Variants in DPY19L2 observed in about 807,000 individuals in gnomAD.
DPY19L2 encodes dpy-19 like 2.
A neutral mutation model predicts 97.9 loss-of-function variants in DPY19L2; 34 were observed. The ratio of observed to expected loss-of-function variants is 0.35; its 90% CI spans 0.26 to 0.46. The LOEUF (loss-of-function observed/expected upper bound fraction) is 0.46, where lower values mean the gene tolerates loss of function less well. Ranked by LOEUF, DPY19L2 falls within the 20% of genes least tolerant of loss-of-function variation. The pLI is 1.00. For synonymous variants in DPY19L2, 230 were observed against 307.9 expected (o/e 0.75, Z 2.65); for missense variants, 623 against 911.4 (o/e 0.68, Z 4.07).
At chr12:63,659,211 A>G (rs559569759) in intron 4 of DPY19L2, among the ~76,000 whole-genome samples, 2 of 152,320 alleles carry the variant, frequency 1.3e-5, no homozygotes, top group East Asian at 3.9e-4. Flanking sequence ...GTCAAAGTTA[A>G]TATTCAAAAT....
chr12:63,637,377 G>C (rs1038679421), intron 6 of DPY19L2, among the ~76,000 whole-genome samples: 3 of 151,294 alleles, frequency 2.0e-5, no homozygotes, highest in Admixed American at 2.0e-4. Flanking sequence ...TTAAAAGAAG[G>C]AGATAGAGAC....
chr12:63,631,535 A>G (rs1004785105), intron 6 of DPY19L2, among the ~76,000 whole-genome samples: 2 of 152,164 alleles, frequency 1.3e-5, no homozygotes, highest in African/African-American at 4.8e-5. Flanking sequence ...ATCTCTGAAT[A>G]GACCAATAAC....
chr12:63,661,124 T>G, intron 4 of DPY19L2: 1 of 330,700 alleles, frequency 3.0e-6, no homozygotes. Context: ...CTGGCCATTA[T>G]TTACACACTA....
At chr12:63,569,925 T>A (rs1434936118) in intron 20 of DPY19L2, among the ~76,000 whole-genome samples, 1 of 152,096 alleles carries the variant, frequency 6.6e-6, no homozygotes, top group Admixed American at 6.5e-5. Flanking sequence ...AACTATCACT[T>A]ATGCATTGGA....
chr12:63,608,613 T>A lies in DPY19L2; in HGVS notation c.1278+3A>T. 6.5e-7 allele frequency: 1 copy of A among 1,531,130 alleles called. No homozygotes were observed. Among genetic ancestry groups the A allele is most frequent in the Admixed American group, 1.8e-5 (1 of 54,580 alleles). The allele number at this position is 1,531,130 out of a possible 1,614,324, so 94.8% of individuals were successfully genotyped here. ...AAACTGCATTAAAAACATTGAATCT[T>A]ACCCAAAAGTTGAGTTTAGATACTC... On this transcript the variant is annotated splice_donor_region_variant and intron_variant, in intron 12 of 21. Transcript: ENST00000324472.
chr12:63,633,431 G>A (rs1196255658), intron 6 of DPY19L2, among the ~76,000 whole-genome samples: 1 of 152,114 alleles, frequency 6.6e-6, no homozygotes, highest in African/African-American at 2.4e-5. Context: ...CTCAAAAGAA[G>A]ACATTTATGC....
chr12:63,656,838 T>C (rs1348487451), intron 4 of DPY19L2, among the ~76,000 whole-genome samples: 1 of 152,190 alleles, frequency 6.6e-6, no homozygotes, highest in Non-Finnish European at 1.5e-5. Context: ...TAAGGCATTT[T>C]TTACTTCTTT....
chr12:63,588,745 C>CTTT lies in DPY19L2; in HGVS notation c.1581-4912_1581-4910dup, dbSNP rs913709153. 7.7e-4 allele frequency among the ~76,000 whole-genome samples: 100 copies of CTTT among 129,898 alleles called. 2 individuals carry two copies. The highest frequency in any genetic ancestry group is 3.4e-3 in the Admixed American group (42 of 12,404). 85.2% of individuals were successfully genotyped at this position (129,898 alleles called of 152,430 possible). A position where few individuals can be genotyped will look rare whatever the true frequency, so the allele number is the denominator to read the frequency against. On this transcript the variant is annotated intron_variant, in intron 16 of 21. Transcript: ENST00000324472. ...TTTATATAAACCAAAAGGAAACTTT[C>CTTT]TTTTTTTTTTTTTTTTTTTGTTTTT...
At chr12:63,584,545 T>C (rs1449688393) in intron 16 of DPY19L2, among the ~76,000 whole-genome samples, 1 of 152,130 alleles carries the variant, frequency 6.6e-6, no homozygotes, top group Non-Finnish European at 1.5e-5. Context: ...TACTGAATAG[T>C]GAAATCTCAA....
Position 63,661,455 on chromosome 12 carries a change from G to C in DPY19L2, c.477C>G (p.Thr159=), listed in dbSNP as rs1895664730. The C allele has an allele frequency of 6.3e-7, 1 of 1,585,340 alleles. No homozygotes were observed. The highest frequency in any genetic ancestry group is 8.5e-7 in the Non-Finnish European group (1 of 1,170,686). The change falls in exon 4 of 22, where the codon ACC becomes ACG. Residue 159 remains threonine, a synonymous_variant. Coordinates refer to ENST00000324472, the MANE Select transcript of DPY19L2 (RefSeq NM_173812.5). ...EMGLYYSYFK[T]IIEAPSFLEG... ...CCAAAAACGAAGGTGCTTCAATAAT[G>C]GTCTTGAAGTATGAATAATAAAGTC... is the stretch of plus-strand genomic sequence containing the variant.
chr12:63,641,286 C>T (rs1285858885), intron 6 of DPY19L2, among the ~76,000 whole-genome samples: 2 of 152,050 alleles, frequency 1.3e-5, no homozygotes, highest in African/African-American at 4.8e-5. Context: ...CCTCAAAATA[C>T]TTTAATGAGC....
At chr12:63,632,937 C>G (rs1403126377) in intron 6 of DPY19L2, among the ~76,000 whole-genome samples, 1 of 152,092 alleles carries the variant, frequency 6.6e-6, no homozygotes, top group Non-Finnish European at 1.5e-5. Context: ...TGATCTTTGA[C>G]AAACTTGACA....
At chr12:63,568,700 C>G (rs1280757811) in intron 21 of DPY19L2, among the ~76,000 whole-genome samples, 2 of 152,020 alleles carry the variant, frequency 1.3e-5, no homozygotes, top group Middle Eastern at 3.4e-3. Flanking sequence ...CAGCTAATAT[C>G]TGTGCTTAGG....
chr12:63,626,006 A>C (rs571769783), intron 7 of DPY19L2, among the ~76,000 whole-genome samples: 1 of 148,842 alleles, frequency 6.7e-6, no homozygotes, highest in African/African-American at 2.4e-5. Flanking sequence ...ATATAAATTA[A>C]TATATATGTG....
chr12:63,613,583 A>G (rs970150621), intron 11 of DPY19L2, among the ~76,000 whole-genome samples: 4 of 152,130 alleles, frequency 2.6e-5, no homozygotes, highest in Non-Finnish European at 5.9e-5. Context: ...ATATTTTAAA[A>G]TACTAAAATA....
intron 20 of DPY19L2, among the ~76,000 whole-genome samples, chr12:63,569,852 G>A (rs1201610692): frequency 6.6e-6 from 1 of 152,132 alleles, no homozygotes; most frequent in Non-Finnish European, 1.5e-5. Context: ...AATGGGGATG[G>A]TCACCAAAAT....
chr12:63,648,195 C>T (rs911462992), intron 4 of DPY19L2, among the ~76,000 whole-genome samples: 5 of 152,150 alleles, frequency 3.3e-5, no homozygotes, highest in African/African-American at 7.2e-5. Context: ...AATCTGCTGG[C>T]GCCTTGATCT....
intron 7 of DPY19L2, among the ~76,000 whole-genome samples, chr12:63,626,188 T>A (rs567828305): frequency 1.3e-5 from 2 of 151,364 alleles, no homozygotes; most frequent in Non-Finnish European, 2.9e-5. Context: ...ATAATGTGCA[T>A]GATATGATTC....
chr12:63,628,956 G>A (rs1810764455), intron 6 of DPY19L2, among the ~76,000 whole-genome samples: 1 of 151,732 alleles, frequency 6.6e-6, no homozygotes, highest in South Asian at 2.1e-4. Context: ...ACGCAAACAG[G>A]GTCTGGAGTG....
Sources: gnomAD v4.1 joint callset for allele counts (sites outside exome capture counted in the v4.1 genomes callset) on GRCh38, gnomAD v4.1.1 for gene constraint, MANE v1.5 for transcripts, NCBI Gene and HGNC (gene_info 2026-07-23, HGNC 2026-07-21) for gene names.